DENND4A: variants seen among roughly 807,000 people sequenced by gnomAD.
DENND4A encodes the protein C-myc promoter-binding protein.
DENND4A carries 70 observed loss-of-function variants against 199.3 expected under a neutral mutation model. The ratio of observed to expected loss-of-function variants is 0.35; its 90% CI spans 0.29 to 0.43. The LOEUF (loss-of-function observed/expected upper bound fraction) is 0.43. Ranked by LOEUF, DENND4A falls within the 20% of genes least tolerant of loss-of-function variation. The pLI is 1.00. For missense variants in DENND4A, 1,723 were observed against 2,255.8 expected (o/e 0.76, Z 4.78); for synonymous variants, 686 against 766.9 (o/e 0.89, Z 1.74).
At chr15:65,700,804 C>T in intron 19 of DENND4A, 129 bp from the exon 20 acceptor site, 1 of 1,050,996 alleles carries the variant, frequency 9.5e-7, no homozygotes, top group Non-Finnish European at 1.3e-6. Context: ...CAAAATACAA[C>T]TATAACAAAG....
intron 24 of DENND4A, among the ~76,000 whole-genome samples, chr15:65,673,160 C>A (rs923563423): frequency 6.6e-6 from 1 of 150,796 alleles, no homozygotes; most frequent in Non-Finnish European, 1.5e-5. Context: ...CGTGCCCAGC[C>A]GAGGACTGGT....
intron 2 of DENND4A, among the ~76,000 whole-genome samples, chr15:65,759,333 T>A (rs6494538): frequency 6.6e-6 from 1 of 151,794 alleles, no homozygotes; most frequent in African/African-American, 2.4e-5. Flanking sequence ...CAAAAATTAG[T>A]CAGGTGTGGT....
At position 65,661,250 on chromosome 15, in the gene DENND4A, T is replaced by A. The variant is rs958794780; in HGVS notation, c.*601A>T. On this transcript the variant is annotated 3_prime_UTR_variant, in exon 33 of 33. Transcript: ENST00000443035. ...ATTCATTCTCCCAAGTAATAAAAAA[T>A]ATATATATAGATAGATATACACAGA... 7.9e-5 allele frequency: 12 copies of A among 152,054 alleles called. No homozygotes were observed. Among genetic ancestry groups the A allele is most frequent in the African/African-American group, 1.4e-4 (6 of 41,392 alleles). The allele number at this position is 152,054 out of a possible 1,614,324, so 9.4% of individuals were successfully genotyped here.
Position 65,664,637 on chromosome 15 carries a change from A to T in DENND4A, c.5445T>A (p.Ile1815=). The T allele has an allele frequency of 6.2e-7, 1 of 1,612,816 alleles. No homozygotes were observed. ...QELLKSMVKS[I]KMNDVYGPMS... is the part of the protein sequence containing the mutation. ...TTGGTCCATAGACATCATTCATTTT[A>T]ATGCTTTTTACCATACTTTTCAACA... The change falls in exon 31 of 33, where the codon ATT becomes ATA. Residue 1815 remains isoleucine, a synonymous_variant. Transcript: ENST00000443035.
intron 1 of DENND4A, among the ~76,000 whole-genome samples, chr15:65,786,939 A>G (rs1231384887): frequency 1.3e-5 from 2 of 152,200 alleles, no homozygotes; most frequent in Non-Finnish European, 2.9e-5. Flanking sequence ...GGAGAACAAA[A>G]GGGACTTTAA....
intron 7 of DENND4A, among the ~76,000 whole-genome samples, chr15:65,736,909 T>C (rs756581620): frequency 3.9e-5 from 6 of 152,162 alleles, no homozygotes; most frequent in African/African-American, 1.2e-4. Context: ...TTGGAAAAGT[T>C]ATTTTTCAAA....
At chr15:65,717,650 A>G (rs984322632) in intron 13 of DENND4A, 128 bp downstream of exon 13, 1 of 838,714 alleles carries the variant, frequency 1.2e-6, no homozygotes, top group African/African-American at 1.7e-5. Context: ...CAACAAAGCT[A>G]GTATTCAGAT....
intron 8 of DENND4A, among the ~76,000 whole-genome samples, chr15:65,731,997 C>A (rs1013241791): frequency 6.6e-6 from 1 of 151,992 alleles, no homozygotes; most frequent in African/African-American, 2.4e-5. Flanking sequence ...TACCATAATA[C>A]CAGGGTCAAA....
Position 65,663,079 on chromosome 15 carries a change from T to C in DENND4A, c.5588-1092A>G, listed in dbSNP as rs8028611. 6.4e-3 allele frequency among the ~76,000 whole-genome samples: 973 copies of C among 152,090 alleles called. 10 individuals carry two copies. The highest frequency in any genetic ancestry group is 0.023 in the African/African-American group (935 of 41,530). On this transcript the variant is annotated intron_variant, in intron 32 of 32. Coordinates refer to ENST00000443035, the MANE Select transcript of DENND4A (RefSeq NM_001320835.1). The stretch of plus-strand genomic sequence containing the variant: ...ACACTATTCATGATTTTGGTTAAGT[T>C]CTGGCATCTTTCTCAAGTGGCTAGA...
intron 20 of DENND4A, among the ~76,000 whole-genome samples, chr15:65,699,458 AACTTAT>A (rs1463222420): frequency 1.3e-5 from 2 of 151,824 alleles, no homozygotes; most frequent in African/African-American, 4.8e-5. Context: ...CTGATATACG[AACTTAT>A]ACTTCTATGA....
chr15:65,783,245 T>A (rs2077480329), intron 1 of DENND4A, among the ~76,000 whole-genome samples: 1 of 152,150 alleles, frequency 6.6e-6, no homozygotes, highest in Admixed American at 6.5e-5. Flanking sequence ...GAGATACAGG[T>A]TAACAATTCT....
chr15:65,759,369 T>C (rs1413618474), intron 2 of DENND4A, among the ~76,000 whole-genome samples: 1 of 151,988 alleles, frequency 6.6e-6, no homozygotes, highest in Non-Finnish European at 1.5e-5. Flanking sequence ...TCCCAGCTAC[T>C]CGGGAGGCTG....
At chr15:65,717,144 C>T (rs2075432454) in intron 13 of DENND4A, among the ~76,000 whole-genome samples, 1 of 152,056 alleles carries the variant, frequency 6.6e-6, no homozygotes, top group Non-Finnish European at 1.5e-5. Context: ...CCATGTCTCT[C>T]ATCTTTTACT....
intron 23 of DENND4A, among the ~76,000 whole-genome samples, chr15:65,687,681 C>G (rs892456257): frequency 1.3e-5 from 2 of 152,132 alleles, no homozygotes; most frequent in Non-Finnish European, 2.9e-5. Context: ...TTAAAGGCAC[C>G]ATTCCACTAA....
intron 7 of DENND4A, among the ~76,000 whole-genome samples, chr15:65,736,536 G>A (rs1329586105): frequency 3.3e-5 from 5 of 151,882 alleles, no homozygotes; most frequent in Non-Finnish European, 7.4e-5. Context: ...AAAGTGTCGG[G>A]ATTACAGGTG....
intron 21 of DENND4A, 133 bp downstream of exon 21, chr15:65,697,134 G>A (rs2077172997): frequency 1.7e-6 from 1 of 596,134 alleles, no homozygotes; most frequent in Non-Finnish European, 2.9e-6. Flanking sequence ...GGCTGAGAGG[G>A]CACGTAATGG....
intron 1 of DENND4A, among the ~76,000 whole-genome samples, chr15:65,785,102 G>A (rs1277179906): frequency 6.6e-6 from 1 of 151,738 alleles, no homozygotes; most frequent in Non-Finnish European, 1.5e-5. Context: ...CTCCAGCCTG[G>A]GTGACAGAAC....
chr15:65,763,679 C>CAAAAAAAAAAAAAAAAAA, intron 1 of DENND4A, among the ~76,000 whole-genome samples: 1 of 87,576 alleles, frequency 1.1e-5, no homozygotes, highest in Non-Finnish European at 2.2e-5. Context: ...GACCTTGTCT[C>CAAAAAAAAAAAAAAAAAA]AAAAAAAAAA....
intron 4 of DENND4A, among the ~76,000 whole-genome samples, chr15:65,751,139 T>C (rs1001576687): frequency 6.6e-6 from 1 of 152,190 alleles, no homozygotes; most frequent in Non-Finnish European, 1.5e-5. Context: ...AGGACACTAC[T>C]GCAATAATCC....
Sources: allele counts gnomAD v4.1 joint callset (sites outside exome capture counted in the v4.1 genomes callset), GRCh38; gene constraint gnomAD v4.1.1; transcripts MANE v1.5; gene names NCBI Gene and HGNC (gene_info 2026-07-23, HGNC 2026-07-21).